PCDHA6: variants seen among roughly 807,000 people sequenced by gnomAD.
PCDHA6 encodes protocadherin alpha 6.
A neutral mutation model predicts 60.3 loss-of-function variants in PCDHA6; 55 were observed. That is an observed-to-expected ratio of 0.91 (90% CI 0.73 to 1.14). The LOEUF is 1.14. Ranked by LOEUF, PCDHA6 falls within the 50% of genes most tolerant of loss-of-function variation. The pLI, the probability that PCDHA6 is intolerant of heterozygous loss-of-function variation, is 0.00. For missense variants in PCDHA6, 1,327 were observed against 1,256.5 expected, an observed-to-expected ratio of 1.06 and a Z score of -0.85; for synonymous variants, 652 against 557.9, an observed-to-expected ratio of 1.17 and a Z score of -2.38.
chr5:140,942,108 A>C (rs2093230471), intron 1 of PCDHA6, among the ~76,000 whole-genome samples: 1 of 152,238 alleles, frequency 6.6e-6, no homozygotes. Context: ...TCATATAATC[A>C]AACTTTATTA....
At chr5:140,952,180 T>C (rs1034052117) in intron 1 of PCDHA6, among the ~76,000 whole-genome samples, 4 of 151,968 alleles carry the variant, frequency 2.6e-5, no homozygotes, top group Admixed American at 2.0e-4. Context: ...CTGCAGCTGC[T>C]CTCATGGGTT....
Position 140,828,950 on chromosome 5 carries a change from G to A in PCDHA6, c.859G>A (p.Ala287Thr), listed in dbSNP as rs2150161338. ...ATATTCTTTTAATAGCCTTGTTGCA[G>A]CCATGGTTATTGACCACTTTAGCAT... ...ISYSFNSLVA[A>T]MVIDHFSIDR... is the part of the protein sequence containing the mutation. The change falls in exon 1 of 4, where the codon GCC (alanine) becomes ACC (threonine). Residue 287 changes from alanine to threonine, a missense_variant. Physicochemically the swap from Ala to Thr is moderately conservative, Grantham distance 58. Coordinates refer to ENST00000529310, the MANE Select transcript of PCDHA6 (RefSeq NM_018909.4). 72 of 1,614,042 alleles carry A rather than the reference G, an allele frequency of 4.5e-5. No individual in the cohort carries two copies. The highest frequency in any genetic ancestry group is 1.5e-4 in the Admixed American group (9 of 60,000).
chr5:140,901,857 G>A (rs782415424), intron 1 of PCDHA6, among the ~76,000 whole-genome samples: 4 of 151,902 alleles, frequency 2.6e-5, no homozygotes, highest in African/African-American at 4.8e-5. Flanking sequence ...CCATTTTTTT[G>A]TGTCCTCTTC....
chr5:140,895,170 T>C (rs2064890754), intron 1 of PCDHA6, among the ~76,000 whole-genome samples: 1 of 152,176 alleles, frequency 6.6e-6, no homozygotes, highest in Admixed American at 6.5e-5. Flanking sequence ...TCCAATCTAT[T>C]TGTAGTCCCT....
chr5:141,005,701 CAAAAA>C (rs59860837), intron 3 of PCDHA6, among the ~76,000 whole-genome samples: 1 of 7,786 alleles, frequency 1.3e-4, no homozygotes, highest in Non-Finnish European at 2.7e-4. Context: ...AACTCCGTCT[CAAAAA>C]AAAAAAAAAA....
chr5:140,914,777 C>T (rs1476693090), intron 1 of PCDHA6, among the ~76,000 whole-genome samples: 1 of 151,924 alleles, frequency 6.6e-6, no homozygotes, highest in Non-Finnish European at 1.5e-5. Flanking sequence ...TATGACTTAT[C>T]TTATGACCCA....
rs146607016 is a variant in PCDHA6, at chr5:140,835,699, C to A, written c.2394+5214C>A. 1.1e-4 allele frequency: 183 copies of A among 1,613,916 alleles called. 1 individual carries two copies. The highest frequency in any genetic ancestry group is 1.4e-4 in the Non-Finnish European group (162 of 1,179,884). On this transcript the variant is annotated intron_variant, in intron 1 of 3. Transcript: ENST00000529310. ...GGCTCGCCTTCTCTGTGGGCCACTGCTAGCGTGTCCGTGGAGGTGGCCGAC... is the reference window on the plus strand; with the variant it reads ...GGCTCGCCTTCTCTGTGGGCCACTGATAGCGTGTCCGTGGAGGTGGCCGAC...
In PCDHA6 at chr5:140,927,982, G is replaced by T. The variant is rs114786796; in HGVS notation, c.2395-50967G>T. 280 of 1,614,224 alleles carry T rather than the reference G, an allele frequency of 1.7e-4. No individual in the cohort carries two copies. The African/African-American group carries it at 3.0e-3, about 17-fold the overall frequency. On this transcript the variant is annotated intron_variant, in intron 1 of 3. Transcript: ENST00000529310. ...TGGCACAGTGATTGCTCTCTTTAGT[G>T]TAAAGGATGAAGACCTCGATTCTAA...
chr5:140,860,428 T>C (rs1198179293), intron 1 of PCDHA6: 11 of 152,026 alleles, frequency 7.2e-5, no homozygotes, highest in Admixed American at 6.5e-4. Flanking sequence ...ATCCTGCAAA[T>C]ATGATCTTTT....
intron 1 of PCDHA6, chr5:140,884,171 C>T (rs781800470): frequency 6.2e-7 from 1 of 1,613,414 alleles, no homozygotes; most frequent in Admixed American, 1.7e-5. Context: ...CAGCACGACG[C>T]GCCCTCTGGA....
At chr5:140,938,606 T>G (rs2092130259) in intron 1 of PCDHA6, among the ~76,000 whole-genome samples, 1 of 152,166 alleles carries the variant, frequency 6.6e-6, no homozygotes, top group African/African-American at 2.4e-5. Flanking sequence ...AATCTTGCAT[T>G]CTTGGAATAA....
At chr5:140,973,107 G>A (rs2096572271) in intron 1 of PCDHA6, among the ~76,000 whole-genome samples, 1 of 152,192 alleles carries the variant, frequency 6.6e-6, no homozygotes, top group South Asian at 2.1e-4. Flanking sequence ...TTATGAAAGA[G>A]TAGCAGAGAT....
chr5:140,975,763 C>A (rs2096681691), intron 1 of PCDHA6, among the ~76,000 whole-genome samples: 1 of 152,140 alleles, frequency 6.6e-6, no homozygotes, highest in Non-Finnish European at 1.5e-5. Context: ...TGTCATAAAT[C>A]ACAGATAATA....
At chr5:140,966,777 C>T (rs1554228636) in intron 1 of PCDHA6, 2 of 1,510,822 alleles carry the variant, frequency 1.3e-6, no homozygotes, top group Non-Finnish European at 1.8e-6. Context: ...ATGGAGCAGG[C>T]GGGCACCAGA....
chr5:140,838,373 C>T (rs1280236434), intron 1 of PCDHA6, among the ~76,000 whole-genome samples: 1 of 151,416 alleles, frequency 6.6e-6, no homozygotes, highest in South Asian at 2.1e-4. Context: ...ATCTGACTGC[C>T]TCAGCCTCCC....
At chr5:140,881,321 T>C (rs1396829121) in intron 1 of PCDHA6, 1 of 983,920 alleles carries the variant, frequency 1.0e-6, no homozygotes, top group Non-Finnish European at 1.2e-6. Context: ...TTAAATTCTA[T>C]TTAACCAGGA....
intron 1 of PCDHA6, among the ~76,000 whole-genome samples, chr5:140,918,414 T>G (rs2078683449): frequency 6.6e-6 from 1 of 152,198 alleles, no homozygotes; most frequent in African/African-American, 2.4e-5. Context: ...TGGCCAGGAC[T>G]TCCAGTAGGA....
intron 1 of PCDHA6, among the ~76,000 whole-genome samples, chr5:140,961,121 T>A (rs551567804): frequency 6.6e-6 from 1 of 152,330 alleles, no homozygotes; most frequent in African/African-American, 2.4e-5. Context: ...TGCATCTTAA[T>A]GTCTTGGCAC....
At chr5:140,928,406 G>A (rs782285182) in intron 1 of PCDHA6, 1 of 1,614,050 alleles carries the variant, frequency 6.2e-7, no homozygotes, top group South Asian at 1.1e-5. Flanking sequence ...TCATCCAGTG[G>A]GGCCATCACT....
Sources: allele counts gnomAD v4.1 joint callset (sites outside exome capture counted in the v4.1 genomes callset), GRCh38; gene constraint gnomAD v4.1.1; transcripts MANE v1.5; gene names NCBI Gene and HGNC (gene_info 2026-07-23, HGNC 2026-07-21).